The following MBNL2 variants were observed in gnomAD, a reference collection of about 807,000 sequenced individuals.
The protein encoded by MBNL2 is muscleblind-like protein 2.
A neutral mutation model predicts 41.9 loss-of-function variants in MBNL2; 17 were observed. That is an observed-to-expected ratio of 0.41 (90% CI 0.28 to 0.61). The LOEUF is 0.61. Among genes scored for constraint, MBNL2 ranks in the 20% least tolerant of loss-of-function variants. The pLI, the probability that MBNL2 is intolerant of heterozygous loss-of-function variation, is 0.35. For synonymous variants in MBNL2, 195 were observed against 182.9 expected (o/e 1.07, Z -0.53); for missense variants, 336 against 505.6 (o/e 0.66, Z 3.22).
At chr13:97,248,335 C>A (rs1225197613) in intron 1 of MBNL2, among the ~76,000 whole-genome samples, 5 of 152,218 alleles carry the variant, frequency 3.3e-5, no homozygotes, top group African/African-American at 4.8e-5. Context: ...TGGGGTTTCA[C>A]CATGTTGGCC....
chr13:97,254,609 C>A (rs1842081834), intron 1 of MBNL2, among the ~76,000 whole-genome samples: 1 of 152,128 alleles, frequency 6.6e-6, no homozygotes, highest in South Asian at 2.1e-4. Flanking sequence ...GACCCTAAAC[C>A]TACCCACCCC....
chr13:97,236,131 A>C (rs191366023), intron 1 of MBNL2, among the ~76,000 whole-genome samples: 2 of 151,968 alleles, frequency 1.3e-5, no homozygotes, highest in East Asian at 1.9e-4. Flanking sequence ...TTACCGACTT[A>C]TTTCCCTCTT....
intron 8 of MBNL2, among the ~76,000 whole-genome samples, chr13:97,380,308 A>G (rs2065320295): frequency 6.6e-6 from 1 of 152,176 alleles, no homozygotes; most frequent in African/African-American, 2.4e-5. Context: ...AGCCTGGCCA[A>G]CATGGTGAAA....
the MBNL2 span, among the ~76,000 whole-genome samples, chr13:97,214,178 G>A: frequency 2.8e-4 from 40 of 145,400 alleles, no homozygotes; most frequent in African/African-American, 1.1e-3. Flanking sequence ...CAAAGAAATA[G>A]AAAATCCTGA....
chr13:97,213,538 G>A, the MBNL2 span, among the ~76,000 whole-genome samples: 1 of 152,080 alleles, frequency 6.6e-6, no homozygotes, highest in East Asian at 1.9e-4. Context: ...TGATTTCAAC[G>A]GTTTCCAAAC....
the MBNL2 span, among the ~76,000 whole-genome samples, chr13:97,176,569 T>C: frequency 2.0e-5 from 3 of 152,150 alleles, no homozygotes; most frequent in African/African-American, 7.2e-5. Flanking sequence ...GATGCAATAC[T>C]CACCTGGACT....
At chr13:97,162,930 C>T in the MBNL2 span, among the ~76,000 whole-genome samples, 59 of 152,142 alleles carry the variant, frequency 3.9e-4, no homozygotes, top group East Asian at 7.3e-3. Flanking sequence ...AAACAAAGGT[C>T]GTGAGAATCT....
chr13:97,310,847 A>AT (rs1405870102), intron 2 of MBNL2, among the ~76,000 whole-genome samples: 5 of 150,752 alleles, frequency 3.3e-5, no homozygotes, highest in African/African-American at 1.2e-4. Flanking sequence ...AAAGAGAAAC[A>AT]TATTACCGGT....
chr13:97,361,758 ATTTTTTTTTTTT>A (rs71117641), intron 7 of MBNL2, among the ~76,000 whole-genome samples: 4 of 56,368 alleles, frequency 7.1e-5, no homozygotes, highest in African/African-American at 2.1e-4. Context: ...TATAGGCGTA[ATTTTTTTTTTTT>A]TTTTTTTTTT....
At chr13:97,145,326 G>T in the MBNL2 span, among the ~76,000 whole-genome samples, 2 of 152,094 alleles carry the variant, frequency 1.3e-5, no homozygotes, top group African/African-American at 2.4e-5. Flanking sequence ...GCTAAAAAAA[G>T]CAACATGATA....
intron 2 of MBNL2, among the ~76,000 whole-genome samples, chr13:97,314,913 T>A (rs2058906780): frequency 6.6e-6 from 1 of 152,168 alleles, no homozygotes; most frequent in Non-Finnish European, 1.5e-5. Context: ...TCACTCAATA[T>A]GTAAAATAGA....
rs537049464 is a variant in MBNL2 at position 97,290,372 on chromosome 13, A to T, written c.174+13963A>T. 2.0e-5 allele frequency among the ~76,000 whole-genome samples: 3 copies of T among 152,306 alleles called. No individual in the cohort carries two copies. In the East Asian group the frequency reaches 5.8e-4, roughly 29 times the overall value. ...ATTCTAGTGGGAAGTGACAAAAAAA[A>T]ATCAGCAGAAACAGCCCTCCTTGGC... On this transcript the variant is annotated intron_variant, in intron 2 of 8. Coordinates refer to ENST00000679496, the MANE Select transcript of MBNL2 (RefSeq NM_001382683.1).
chr13:97,374,675 G>A (rs971463791), intron 8 of MBNL2, among the ~76,000 whole-genome samples: 8 of 152,154 alleles, frequency 5.3e-5, no homozygotes, highest in Non-Finnish European at 7.4e-5. Flanking sequence ...ATAGACATGA[G>A]CCCCTGTGCC....
chr13:97,142,449 T>C, the MBNL2 span, among the ~76,000 whole-genome samples: 1 of 152,216 alleles, frequency 6.6e-6, no homozygotes, highest in African/African-American at 2.4e-5. Flanking sequence ...TATTTGAAAG[T>C]GTTTGGAACT....
chr13:97,352,035 T>TATAAATAA (rs146632066), intron 5 of MBNL2, among the ~76,000 whole-genome samples: 22,271 of 148,582 alleles, frequency 0.15, 1,915 homozygotes, highest in Middle Eastern at 0.23. Flanking sequence ...AAAATAAAAA[T>TATAAATAA]ATAAATAAAT....
chr13:97,145,920 G>A, the MBNL2 span, among the ~76,000 whole-genome samples: 1 of 152,044 alleles, frequency 6.6e-6, no homozygotes, highest in African/African-American at 2.4e-5. Context: ...TGTATAGCAG[G>A]CTTCCATGTC....
At chr13:97,284,555 A>G (rs1015506423) in intron 2 of MBNL2, among the ~76,000 whole-genome samples, 1 of 152,136 alleles carries the variant, frequency 6.6e-6, no homozygotes, top group African/African-American at 2.4e-5. Flanking sequence ...CAACTACCCT[A>G]TTTCTAAATA....
chr13:97,269,643 A>T (rs571407669), intron 1 of MBNL2, among the ~76,000 whole-genome samples: 110 of 152,190 alleles, frequency 7.2e-4, no homozygotes, highest in Middle Eastern at 3.2e-3. Context: ...CTTTTGGGTG[A>T]ACAGCAGCTG....
intron 7 of MBNL2, among the ~76,000 whole-genome samples, chr13:97,358,023 T>C (rs1044892575): frequency 1.3e-5 from 2 of 152,202 alleles, no homozygotes; most frequent in African/African-American, 4.8e-5. Context: ...CATTTTTTTC[T>C]ATTTCTATTC....
Sources: allele counts gnomAD v4.1 joint callset (sites outside exome capture counted in the v4.1 genomes callset), GRCh38; gene constraint gnomAD v4.1.1; transcripts MANE v1.5; gene names NCBI Gene and HGNC (gene_info 2026-07-23, HGNC 2026-07-21).